ACP6: variants seen among roughly 807,000 people sequenced by gnomAD.
The protein encoded by ACP6 is acid phosphatase 6, lysophosphatidic.
A neutral mutation model predicts 48.1 loss-of-function variants in ACP6; 48 were observed. The ratio of observed to expected loss-of-function variants is 1.00; its 90% CI spans 0.79 to 1.27. ACP6 has a LOEUF of 1.27. ACP6 is among the 50% of genes most tolerant of loss of function. The pLI, the probability that ACP6 is intolerant of heterozygous loss-of-function variation, is 0.00. For synonymous variants in ACP6, 172 were observed against 204.2 expected (o/e 0.84, Z 1.34); for missense variants, 485 against 529.1 (o/e 0.92, Z 0.82).
In ACP6 at chr1:147,659,377, C is replaced by T. The variant is rs782565134; in HGVS notation, c.479+19G>A. On this transcript the variant is annotated intron_variant, in intron 3 of 9. Transcript: ENST00000583509. Reference sequence around the variant, plus strand: ...CAAGACCTTAAATTAAGTGCAACATCCCCTTTCAAGTGACTCACAAGACCT... The same window carrying T: ...CAAGACCTTAAATTAAGTGCAACATTCCCTTTCAAGTGACTCACAAGACCT... 1 of 1,612,098 alleles carries T rather than the reference C, an allele frequency of 6.2e-7. No homozygotes were observed. The highest frequency in any genetic ancestry group is 8.5e-7 in the Non-Finnish European group (1 of 1,178,972).
At chr1:147,654,487 C>T (rs1553211229) in intron 5 of ACP6, among the ~76,000 whole-genome samples, 161 bp from the exon 6 acceptor site, 1 of 152,190 alleles carries the variant, frequency 6.6e-6, no homozygotes, top group South Asian at 2.1e-4. Flanking sequence ...AACTAAGGCT[C>T]TATAAGGTCA....
intron 4 of ACP6, 36 bp downstream of exon 4, chr1:147,658,924 C>A: frequency 6.4e-7 from 1 of 1,562,736 alleles, no homozygotes; most frequent in Non-Finnish European, 8.7e-7. Context: ...CAAGACCCCT[C>A]AGGGACAGGG....
At chr1:147,653,294 C>G (rs955567352) in intron 6 of ACP6, among the ~76,000 whole-genome samples, 4 of 151,846 alleles carry the variant, frequency 2.6e-5, no homozygotes, top group Non-Finnish European at 5.9e-5. Context: ...CCACACCCGG[C>G]TAAATTTTGT....
intron 9 of ACP6, chr1:147,647,876 C>A: frequency 2.1e-6 from 1 of 485,688 alleles, no homozygotes; most frequent in Non-Finnish European, 3.7e-6. Context: ...CCTGATGAAG[C>A]AGCCAACACC....
chr1:147,649,916 AAGAG>A (rs782392089), intron 8 of ACP6: 82 of 523,588 alleles, frequency 1.6e-4, no homozygotes, highest in African/African-American at 2.6e-4. Context: ...TAATAAAAAA[AAGAG>A]AGAGAGAAAG....
At chr1:147,659,918 T>C (rs1165346085) in intron 1 of ACP6, 143 bp from the exon 2 acceptor site, 2 of 1,061,102 alleles carry the variant, frequency 1.9e-6, no homozygotes, top group African/African-American at 3.2e-5. Context: ...AGGAAAGAAA[T>C]GTTAGCTAAA....
chr1:147,661,777 C>A (rs778534156), intron 1 of ACP6, among the ~76,000 whole-genome samples: 2 of 152,150 alleles, frequency 1.3e-5, no homozygotes, highest in Non-Finnish European at 2.9e-5. Context: ...GGTGAACACA[C>A]AAACAATGAG....
Position 147,669,975 on chromosome 1 carries a change from T to C in ACP6, c.74A>G (p.His25Arg). The C allele has an allele frequency of 6.5e-7, 1 of 1,550,052 alleles. No individual in the cohort carries two copies. The highest frequency in any genetic ancestry group is 8.7e-7 in the Non-Finnish European group (1 of 1,146,924). Residue 25 changes from histidine to arginine, a missense_variant, in exon 1 of 10, where the codon CAC (histidine) becomes CGC (arginine). Physicochemically the swap from His to Arg is conservative, Grantham distance 29. Transcript: ENST00000583509. Reference protein sequence around the residue: ...GVLTSLAYCLHQRRVALAELQ... With the variant: ...GVLTSLAYCLRQRRVALAELQ... ...CTCGGCCAGGGCCACCCGCCGCTGG[T>C]GCAGGCAGTACGCCAGCGAGGTCAG...
intron 5 of ACP6, among the ~76,000 whole-genome samples, chr1:147,635,641 T>G (rs1204185970): frequency 1.3e-5 from 2 of 152,172 alleles, no homozygotes; most frequent in Non-Finnish European, 2.9e-5. Context: ...GTGGTGTCTA[T>G]GTGTGGACAG....
At chr1:147,638,944 CT>C (rs1461822254), downstream of ACP6, among the ~76,000 whole-genome samples, 1 of 152,204 alleles carries the variant, frequency 6.6e-6, no homozygotes, top group Non-Finnish European at 1.5e-5. Context: ...ACAGCCTTGA[CT>C]TCCCACGCCC....
chr1:147,665,499 A>C (rs1660750983), intron 1 of ACP6, among the ~76,000 whole-genome samples: 1 of 152,230 alleles, frequency 6.6e-6, no homozygotes, highest in South Asian at 2.1e-4. Context: ...CCAAGACAGA[A>C]AAACAGGTGG....
At chr1:147,669,048 C>T (rs188439800) in intron 1 of ACP6, among the ~76,000 whole-genome samples, 1 of 152,190 alleles carries the variant, frequency 6.6e-6, no homozygotes, top group Non-Finnish European at 1.5e-5. Context: ...TTCCTCTTCA[C>T]TAGGCCTTTC....
intron 9 of ACP6, chr1:147,647,878 G>C (rs1659704165): frequency 2.1e-6 from 1 of 486,796 alleles, no homozygotes; most frequent in Admixed American, 3.7e-5. Context: ...TGATGAAGCA[G>C]CCAACACCAC....
rs1426427262 is a variant in ACP6, at chr1:147,645,574, T to G, written c.*1849A>C. On this transcript the variant is annotated 3_prime_UTR_variant, in exon 10 of 10. Transcript: ENST00000583509. ...CATTTGTCGAAGCCAGTGAAGGAAA[T>G]AGTCTAGGAATACTGATGAGAAGCT... 6.6e-6 allele frequency: 1 copy of G among 152,198 alleles called. No individual in the cohort carries two copies. The highest frequency in any genetic ancestry group is 2.4e-5 in the African/African-American group (1 of 41,442). The allele number at this position is 152,198 out of a possible 1,614,324, so 9.4% of individuals were successfully genotyped here.
intron 4 of ACP6, among the ~76,000 whole-genome samples, chr1:147,657,667 C>T (rs968664297): frequency 6.6e-6 from 1 of 152,260 alleles, no homozygotes; most frequent in East Asian, 1.9e-4. Flanking sequence ...GATCCACCCG[C>T]CTCAGCCTCC....
chr1:147,654,833 C>A (rs1553211310), intron 5 of ACP6, among the ~76,000 whole-genome samples: 1 of 152,176 alleles, frequency 6.6e-6, no homozygotes, highest in East Asian at 1.9e-4. Context: ...TTGGTTTTCT[C>A]ATTTGCCCCA....
At chr1:147,666,734 G>A (rs1553213704) in intron 1 of ACP6, among the ~76,000 whole-genome samples, 4 of 152,180 alleles carry the variant, frequency 2.6e-5, no homozygotes, top group Non-Finnish European at 1.5e-5. Context: ...ACCCTGGCAT[G>A]TGTATTTTTT....
At chr1:147,637,116 T>C (rs1457779816) in intron 5 of ACP6, among the ~76,000 whole-genome samples, 1 of 152,172 alleles carries the variant, frequency 6.6e-6, no homozygotes, top group African/African-American at 2.4e-5. Context: ...AATCATCTAA[T>C]TAGAGGACCA....
Position 147,658,998 on chromosome 1 carries a change from CG to C in ACP6, c.520del (p.Arg174ValfsTer38). The C allele has an allele frequency of 6.2e-7, 1 of 1,611,602 alleles. No homozygotes were observed. On this transcript the variant is annotated frameshift_variant, in exon 4 of 10. Coordinates refer to ENST00000583509, the MANE Select transcript of ACP6 (RefSeq NM_016361.5). LOFTEE classifies it high-confidence loss of function. Reference protein sequence around the residue: ...TNIFRNLESTRCLLAGLFQCQ... With the variant: ...TNIFRNLESTXCLLAGLFQCQ... Reference sequence around the variant, plus strand: ...CTGGAAAAGCCCAGCCAGCAAACAACGGGTGGACTCCAGATTCCGAAAAATG... The same window carrying C: ...CTGGAAAAGCCCAGCCAGCAAACAACGGTGGACTCCAGATTCCGAAAAATG...
Sources: allele counts gnomAD v4.1 joint callset (sites outside exome capture counted in the v4.1 genomes callset), GRCh38; gene constraint gnomAD v4.1.1; transcripts MANE v1.5; gene names NCBI Gene and HGNC (gene_info 2026-07-23, HGNC 2026-07-21).